Variants in FAM222B observed in about 807,000 individuals in gnomAD.
FAM222B encodes the protein protein FAM222B.
Under a neutral mutation model 38.0 loss-of-function variants are expected in FAM222B, and 12 were observed. The observed-to-expected ratio is 0.32, with a 90% confidence interval of 0.20 to 0.51. The LOEUF is 0.51. Ranked by LOEUF, FAM222B falls within the 20% of genes least tolerant of loss-of-function variation. The pLI is 0.97. For missense variants in FAM222B, 716 were observed against 754.2 expected (o/e 0.95, Z 0.59); for synonymous variants, 329 against 317.2 (o/e 1.04, Z -0.40).
At position 28,809,211 on chromosome 17, in the gene FAM222B, C is replaced by T. The variant is rs548054628; in HGVS notation, c.-41+33471G>A. On this transcript the variant is annotated intron_variant, in intron 1 of 2. Coordinates refer to ENST00000581407, the MANE Select transcript of FAM222B (RefSeq NM_001077498.3). ...ACTGAAAATACAAAAATTAGCCAGG[C>T]GTGCTGGTGCGTGTCTGTAGTCCCA... is the stretch of plus-strand genomic sequence containing the variant. Among the ~76,000 whole-genome samples, 18 of 152,174 alleles carry T rather than the reference C, an allele frequency of 1.2e-4. No homozygotes were observed. In the East Asian group the frequency reaches 3.3e-3, roughly 28 times the overall value.
At position 28,758,617 on chromosome 17, in the gene FAM222B, G is replaced by A; in HGVS notation, c.1342C>T (p.His448Tyr). Residue 448 changes from histidine to tyrosine, a missense_variant, in exon 3 of 3, where the codon CAC (histidine) becomes TAC (tyrosine). Transcript: ENST00000581407. Reference protein sequence around the residue: ...MAAPLAYPNGHYFQPLWNNIL... With the variant: ...MAAPLAYPNGYYFQPLWNNIL... ...TTGTTCCACAGGGGTTGGAAGTAGTGACCATTGGGGTAGGCCAATGGGGCT... is the reference window on the plus strand; with the variant it reads ...TTGTTCCACAGGGGTTGGAAGTAGTAACCATTGGGGTAGGCCAATGGGGCT... 1 of 1,611,552 alleles carries A rather than the reference G, an allele frequency of 6.2e-7. No individual in the cohort carries two copies. Among genetic ancestry groups the A allele is most frequent in the South Asian group, 1.1e-5 (1 of 91,080 alleles).
chr17:28,821,291 A>G (rs991585054), intron 1 of FAM222B, among the ~76,000 whole-genome samples: 6 of 152,180 alleles, frequency 3.9e-5, no homozygotes, highest in Non-Finnish European at 5.9e-5. Context: ...GTGATCTAAT[A>G]GTACTTATAA....
At position 28,759,515 on chromosome 17, in the gene FAM222B, C is replaced by CTGGGGG. The variant is rs1466647254; in HGVS notation, c.438_443dup (p.His146_Pro147dup). 1 of 1,456,606 alleles carries CTGGGGG rather than the reference C, an allele frequency of 6.9e-7. No individual in the cohort carries two copies. The highest frequency in any genetic ancestry group is 9.2e-7 in the Non-Finnish European group (1 of 1,087,804). 90.2% of individuals were successfully genotyped at this position (1,456,606 alleles called of 1,614,324 possible). ...CCTGCTGGCGGGCCAGAGCCTGGGC[C>CTGGGGG]TGGGGGTGGGCTAAAGTGCTGGGTG... On this transcript the variant is annotated inframe_insertion, in exon 3 of 3. Transcript: ENST00000581407. This position sits in a 1 kb window ranked among gnomAD's most constrained non-coding sequence, Gnocchi z 4.8.
At chr17:28,793,853 C>G (rs1050593631) in intron 1 of FAM222B, among the ~76,000 whole-genome samples, 2 of 150,618 alleles carry the variant, frequency 1.3e-5, no homozygotes, top group African/African-American at 4.9e-5. Flanking sequence ...TCAAGCAATT[C>G]TCCTGCCTCA....
intron 2 of FAM222B, among the ~76,000 whole-genome samples, chr17:28,761,285 G>A (rs1344612797): frequency 6.6e-6 from 1 of 152,196 alleles, no homozygotes; most frequent in Non-Finnish European, 1.5e-5. Context: ...AGGGGGCTCT[G>A]CTCTACTCTC....
intron 1 of FAM222B, among the ~76,000 whole-genome samples, chr17:28,818,179 A>G (rs976572860): frequency 2.0e-5 from 3 of 151,836 alleles, no homozygotes; most frequent in Admixed American, 6.6e-5. Context: ...ATAGTGAGCT[A>G]TGATCGTGCC....
At chr17:28,808,908 C>G (rs1324000244) in intron 1 of FAM222B, among the ~76,000 whole-genome samples, 2 of 152,192 alleles carry the variant, frequency 1.3e-5, no homozygotes, top group Non-Finnish European at 2.9e-5. Flanking sequence ...TTCTGAGAAT[C>G]AAGCAATGCC....
chr17:28,758,496 G>C lies in FAM222B; in HGVS notation c.1463C>G (p.Ala488Gly), dbSNP rs1555568491. ...TCGGTAGTGGGCCCCGGGAGCTGCC[G>C]CACAGTCGAGGGGTGCACCTGTGGG... ...GQPTGAPLDC[A>G]AAPGAHYRAG... Residue 488 changes from alanine to glycine, a missense_variant, in exon 3 of 3, where the codon GCG becomes GGG. Coordinates refer to ENST00000581407, the MANE Select transcript of FAM222B (RefSeq NM_001077498.3). 6.2e-7 allele frequency: 1 copy of C among 1,612,402 alleles called. No homozygotes were observed. Among genetic ancestry groups the C allele is most frequent in the Non-Finnish European group, 8.5e-7 (1 of 1,179,762 alleles).
At position 28,766,719 on chromosome 17, in the gene FAM222B, A is replaced by C; in HGVS notation, c.-40-12T>G. 1 of 1,430,436 alleles carries C rather than the reference A, an allele frequency of 7.0e-7. No individual in the cohort carries two copies. Among genetic ancestry groups the C allele is most frequent in the Non-Finnish European group, 9.7e-7 (1 of 1,032,684 alleles). 88.6% of individuals were successfully genotyped at this position (1,430,436 alleles called of 1,614,324 possible). On this transcript the variant is annotated splice_polypyrimidine_tract_variant and intron_variant, in intron 1 of 2. Transcript: ENST00000581407. ...GGCAGTGGCTCACACTGTAATGAAC[A>C]AAAACAAGGTCATGAAACACAAGGC... is the stretch of plus-strand genomic sequence containing the variant.
intron 2 of FAM222B, chr17:28,762,151 A>C (rs1391581142): frequency 1.3e-5 from 2 of 152,156 alleles, no homozygotes; most frequent in East Asian, 3.9e-4. Context: ...GAAATGGTGA[A>C]GAGGGCTGTC....
chr17:28,811,377 T>C (rs1164314650), intron 1 of FAM222B, among the ~76,000 whole-genome samples: 1 of 151,996 alleles, frequency 6.6e-6, no homozygotes, highest in African/African-American at 2.4e-5. Flanking sequence ...GAGGCAGAGG[T>C]TGCAGTGAGC....
At chr17:28,760,674 G>A (rs1006511252) in intron 2 of FAM222B, among the ~76,000 whole-genome samples, 2 of 152,160 alleles carry the variant, frequency 1.3e-5, no homozygotes, top group African/African-American at 4.8e-5. Context: ...CTCCTTGTCA[G>A]GGCCATGGTG....
intron 1 of FAM222B, among the ~76,000 whole-genome samples, chr17:28,852,199 C>G (rs554810547): frequency 6.6e-6 from 1 of 152,000 alleles, no homozygotes; most frequent in Admixed American, 6.6e-5. Flanking sequence ...AACACCGTCT[C>G]TACTAAAAAT....
At chr17:28,771,551 G>C (rs1036946456) in intron 1 of FAM222B, among the ~76,000 whole-genome samples, 1 of 151,762 alleles carries the variant, frequency 6.6e-6, no homozygotes, top group Admixed American at 6.6e-5. Context: ...CGTGGTGATG[G>C]GCACCTGTAA....
chr17:28,851,660 C>T (rs891719338), intron 1 of FAM222B, among the ~76,000 whole-genome samples: 10 of 151,156 alleles, frequency 6.6e-5, no homozygotes, highest in South Asian at 2.1e-4. Flanking sequence ...GGCAGATCAC[C>T]GGGTCAGGAG....
In FAM222B at chr17:28,803,174, A is replaced by G. The variant is rs529264130; in HGVS notation, c.-40-36467T>C. Among the ~76,000 whole-genome samples, 3 of 151,952 alleles carry G rather than the reference A, an allele frequency of 2.0e-5. No individual in the cohort carries two copies. In the South Asian group the frequency reaches 6.2e-4, roughly 32 times the overall value. ...CAGGTGCATGCCACCATGCCTGGCT[A>G]ATTTTTGAATTTTAGTAGAGACAGT... is the stretch of plus-strand genomic sequence containing the variant. On this transcript the variant is annotated intron_variant, in intron 1 of 2. Coordinates refer to ENST00000581407, the MANE Select transcript of FAM222B (RefSeq NM_001077498.3).
At chr17:28,771,317 AGT>A (rs2035622276) in intron 1 of FAM222B, among the ~76,000 whole-genome samples, 1 of 152,206 alleles carries the variant, frequency 6.6e-6, no homozygotes, top group African/African-American at 2.4e-5. Context: ...TTTACCTTTC[AGT>A]GTGTATCAAT....
At chr17:28,850,254 G>A (rs1221797271) in intron 1 of FAM222B, among the ~76,000 whole-genome samples, 1 of 151,858 alleles carries the variant, frequency 6.6e-6, no homozygotes, top group African/African-American at 2.4e-5. Context: ...TCCACTCTGG[G>A]TACTTGCTCA....
At chr17:28,850,588 G>GCGCC (rs1053290870) in intron 1 of FAM222B, among the ~76,000 whole-genome samples, 4 of 152,068 alleles carry the variant, frequency 2.6e-5, no homozygotes, top group Non-Finnish European at 5.9e-5. Flanking sequence ...TTGAGCCACC[G>GCGCC]CGCCCGGCCG....
Sources: gnomAD v4.1 joint callset for allele counts (sites outside exome capture counted in the v4.1 genomes callset) on GRCh38, gnomAD v4.1.1 for gene constraint, Gnocchi (gnomAD v3.1) non-coding constraint, MANE v1.5 for transcripts, NCBI Gene and HGNC (gene_info 2026-07-23, HGNC 2026-07-21) for gene names.